The following TNFSF4 variants were observed in gnomAD, a reference collection of about 807,000 sequenced individuals.
The protein encoded by TNFSF4 is TNF superfamily member 4.
TNFSF4 carries 4 observed loss-of-function variants against 7.3 expected under a neutral mutation model. The observed-to-expected ratio is 0.55, with a 90% CI of 0.27 to 1.25. The LOEUF (loss-of-function observed/expected upper bound fraction) is 1.25, where lower values mean the gene tolerates loss of function less well. Among genes scored for constraint, TNFSF4 ranks in the 50% most tolerant of loss-of-function variants. The pLI is 0.12. For missense variants in TNFSF4, 181 were observed against 208.8 expected (o/e 0.87, Z 0.82); for synonymous variants, 76 against 83.7 (o/e 0.91, Z 0.50).
chr1:173,188,048 G>C (rs1319116321), intron 2 of TNFSF4, among the ~76,000 whole-genome samples: 1 of 152,218 alleles, frequency 6.6e-6, no homozygotes, highest in African/African-American at 2.4e-5. Context: ...ACTAGGGGTT[G>C]TGCTAGCACT....
Position 173,207,101 on chromosome 1 carries a change from G to A in TNFSF4, c.76C>T (p.Leu26=), listed in dbSNP as rs1278389641. ...RPRFERNKLL[L]VASVIQGLGL... is the part of the protein sequence containing the mutation. ...AGTCCCTGAATTACAGAGGCCACCA[G>A]CAATAGCTTGTTCCTCTCGAATCTT... Residue 26 remains leucine, a synonymous_variant, in exon 1 of 3, where the codon CTG becomes TTG. Transcript: ENST00000281834. The A allele has an allele frequency of 4.3e-6, 7 of 1,613,864 alleles. No homozygotes were observed. Among genetic ancestry groups the A allele is most frequent in the East Asian group, 4.5e-5 (2 of 44,874 alleles).
At chr1:173,295,363 T>A in the TNFSF4 span, among the ~76,000 whole-genome samples, 1 of 151,956 alleles carries the variant, frequency 6.6e-6, no homozygotes, top group Non-Finnish European at 1.5e-5. Context: ...GATAAGCAAA[T>A]GGTGATGTAT....
the TNFSF4 span, among the ~76,000 whole-genome samples, chr1:173,346,249 T>C: frequency 6.6e-6 from 1 of 152,160 alleles, no homozygotes; most frequent in African/African-American, 2.4e-5. Flanking sequence ...ATACATATGC[T>C]ATCCAGAAAA....
the TNFSF4 span, among the ~76,000 whole-genome samples, chr1:173,427,179 A>G: frequency 6.6e-6 from 1 of 152,240 alleles, no homozygotes; most frequent in South Asian, 2.1e-4. Context: ...CTCATGGTCA[A>G]TGGATTAGCA....
the TNFSF4 span, among the ~76,000 whole-genome samples, chr1:173,332,625 G>A: frequency 6.6e-6 from 1 of 152,180 alleles, no homozygotes; most frequent in African/African-American, 2.4e-5. Context: ...GGAGGCCAAG[G>A]CGGGTGGATC....
chr1:173,210,035 T>C (rs72722853), upstream of TNFSF4, among the ~76,000 whole-genome samples: 5,510 of 150,112 alleles, frequency 0.037, 156 homozygotes, highest in Middle Eastern at 0.059. Context: ...ACATTTGGGT[T>C]TTTTTTTTTT....
the TNFSF4 span, among the ~76,000 whole-genome samples, chr1:173,311,640 A>C: frequency 6.6e-6 from 1 of 152,002 alleles, no homozygotes; most frequent in Non-Finnish European, 1.5e-5. Context: ...AAAACCACAC[A>C]CTGGGGTCGT....
chr1:173,177,572 C>T, the TNFSF4 span, among the ~76,000 whole-genome samples: 4 of 152,214 alleles, frequency 2.6e-5, no homozygotes, highest in East Asian at 7.7e-4. Flanking sequence ...TGTGTGTGTA[C>T]CCCTGAACCT....
the TNFSF4 span, among the ~76,000 whole-genome samples, chr1:173,338,153 T>C: frequency 2.0e-5 from 3 of 152,182 alleles, no homozygotes; most frequent in African/African-American, 4.8e-5. Context: ...GTCCCCAGCA[T>C]GGTACCATTC....
chr1:173,331,654 G>A, the TNFSF4 span, among the ~76,000 whole-genome samples: 1 of 152,176 alleles, frequency 6.6e-6, no homozygotes, highest in Admixed American at 6.5e-5. Context: ...CCTTCAGGGG[G>A]CAAGTTACTA....
the TNFSF4 span, among the ~76,000 whole-genome samples, chr1:173,236,701 G>A: frequency 6.6e-6 from 1 of 152,092 alleles, no homozygotes; most frequent in African/African-American, 2.4e-5. Context: ...GATGGAACAG[G>A]AGGACATAAT....
chr1:173,352,715 A>G, the TNFSF4 span, among the ~76,000 whole-genome samples: 1 of 152,180 alleles, frequency 6.6e-6, no homozygotes, highest in Non-Finnish European at 1.5e-5. Flanking sequence ...TAAACCTCTT[A>G]ACAGGGTTCA....
At chr1:173,395,455 T>G in the TNFSF4 span, among the ~76,000 whole-genome samples, 1 of 134,316 alleles carries the variant, frequency 7.4e-6, no homozygotes, top group Non-Finnish European at 1.6e-5. Context: ...GGAAAACTGG[T>G]GACTATAATG....
chr1:173,240,237 C>T, the TNFSF4 span, among the ~76,000 whole-genome samples: 1 of 152,148 alleles, frequency 6.6e-6, no homozygotes, highest in Non-Finnish European at 1.5e-5. Flanking sequence ...GGCACACTAT[C>T]ATTATCAGTC....
Position 173,185,237 on chromosome 1 carries a change from G to A in TNFSF4, c.*1279C>T, listed in dbSNP as rs1347372422. On this transcript the variant is annotated 3_prime_UTR_variant, in exon 3 of 3. Coordinates refer to ENST00000281834, the MANE Select transcript of TNFSF4 (RefSeq NM_003326.5). ...AAAATTTATGTTTATAAAAGGTTTG[G>A]CACAGAGAAGTTACAAATCATCTGG... 6.6e-6 allele frequency: 1 copy of A among 152,140 alleles called. No individual in the cohort carries two copies. Among genetic ancestry groups the A allele is most frequent in the Non-Finnish European group, 1.5e-5 (1 of 68,034 alleles). 9.4% of individuals were successfully genotyped at this position (152,140 alleles called of 1,614,324 possible).
the TNFSF4 span, among the ~76,000 whole-genome samples, chr1:173,233,961 C>T: frequency 6.6e-6 from 1 of 152,226 alleles, no homozygotes; most frequent in Non-Finnish European, 1.5e-5. Flanking sequence ...TCTAATTAAA[C>T]TAAAGAGCTT....
the TNFSF4 span, among the ~76,000 whole-genome samples, chr1:173,306,451 G>T: frequency 2.0e-5 from 3 of 151,936 alleles, no homozygotes; most frequent in Non-Finnish European, 2.9e-5. Flanking sequence ...GGTGGGAAGA[G>T]GCATGGGTAA....
chr1:173,388,701 T>A, the TNFSF4 span, among the ~76,000 whole-genome samples: 4 of 152,248 alleles, frequency 2.6e-5, no homozygotes, highest in East Asian at 5.8e-4. Context: ...CTAGTATTTG[T>A]TTTACAAAAC....
chr1:173,300,525 A>C, the TNFSF4 span, among the ~76,000 whole-genome samples: 1 of 151,784 alleles, frequency 6.6e-6, no homozygotes, highest in Non-Finnish European at 1.5e-5. Context: ...CTCTCTCCAT[A>C]GTTGTTGACA....
Sources: gnomAD v4.1 joint callset for allele counts (sites outside exome capture counted in the v4.1 genomes callset) on GRCh38, gnomAD v4.1.1 for gene constraint, MANE v1.5 for transcripts, NCBI Gene and HGNC (gene_info 2026-07-23, HGNC 2026-07-21) for gene names.